Variants in COL11A1 observed in about 807,000 individuals in gnomAD.
COL11A1 encodes the protein collagen type XI alpha 1 chain, also known as collagen alpha-1(XI) chain.
A neutral mutation model predicts 265.2 loss-of-function variants in COL11A1; 74 were observed. The ratio of observed to expected loss-of-function variants is 0.28; its 90% confidence interval spans 0.23 to 0.34. COL11A1 has a LOEUF of 0.34. Among genes scored for constraint, COL11A1 ranks in the 10% least tolerant of loss-of-function variants. The pLI, the probability that COL11A1 is intolerant of heterozygous loss-of-function variation, is 1.00. For synonymous variants in COL11A1, 816 were observed against 727.6 expected (o/e 1.12, Z -1.96); for missense variants, 2,165 against 2,263.6 (o/e 0.96, Z 0.88).
At chr1:102,974,041 G>T (rs1662226519) in intron 36 of COL11A1, among the ~76,000 whole-genome samples, 1 of 152,130 alleles carries the variant, frequency 6.6e-6, no homozygotes, top group African/African-American at 2.4e-5. Context: ...CCAGAATTGT[G>T]ATTTGGTCAG....
intron 2 of COL11A1, among the ~76,000 whole-genome samples, chr1:103,082,201 A>C (rs867419151): frequency 6.6e-6 from 1 of 152,000 alleles, no homozygotes; most frequent in African/African-American, 2.4e-5. Context: ...CTGATATTTT[A>C]AAAAAATCTC....
At chr1:102,986,431 G>T (rs954465304) in intron 30 of COL11A1, among the ~76,000 whole-genome samples, 8 of 106,524 alleles carry the variant, frequency 7.5e-5, no homozygotes, top group Admixed American at 1.3e-4. Flanking sequence ...GGGGAGGGGG[G>T]AGGGATAGCA....
At chr1:102,922,233 A>C (rs1046653004) in intron 47 of COL11A1, among the ~76,000 whole-genome samples, 5 of 152,158 alleles carry the variant, frequency 3.3e-5, no homozygotes, top group Non-Finnish European at 7.4e-5. Flanking sequence ...AAAAGATCTC[A>C]GTTTATTCTA....
intron 4 of COL11A1, among the ~76,000 whole-genome samples, chr1:103,064,637 G>A (rs1220708914): frequency 6.8e-6 from 1 of 146,872 alleles, no homozygotes; most frequent in African/African-American, 2.5e-5. Context: ...CTTGCAGTGA[G>A]CCTAGGTTGC....
chr1:103,071,248 T>TA (rs77096332), intron 4 of COL11A1, among the ~76,000 whole-genome samples: 21,481 of 151,850 alleles, frequency 0.14, 1,662 homozygotes, highest in Non-Finnish European at 0.16. Context: ...TTGATTATTT[T>TA]AAAAAATTAG....
At position 102,989,573 on chromosome 1, in the gene COL11A1, TAAAACA is replaced by T. The variant is rs767111552; in HGVS notation, c.2341-8_2341-3del. The T allele has an allele frequency of 6.2e-7, 1 of 1,604,606 alleles. No homozygotes were observed. Among genetic ancestry groups the T allele is most frequent in the South Asian group, 1.1e-5 (1 of 90,846 alleles). On this transcript the variant is annotated splice_polypyrimidine_tract_variant and splice_region_variant and intron_variant, in intron 28 of 66. Coordinates refer to ENST00000370096, the MANE Select transcript of COL11A1 (RefSeq NM_001854.4). ...GAATCCTGGAAAACCATCTTCACCC[TAAAACA>T]TTATAAAAGGAATTAAATAGGAGTT...
intron 54 of COL11A1, among the ~76,000 whole-genome samples, chr1:102,902,586 T>C (rs944065611): frequency 6.6e-6 from 1 of 152,016 alleles, no homozygotes; most frequent in Admixed American, 6.6e-5. Flanking sequence ...TAGAAAGGTA[T>C]ATAATCTCTT....
rs747785713 is a variant in COL11A1, at chr1:103,108,086, T to C, written c.93A>G (p.Arg31=). ...TLALTFLFQA[R]EVRGAAPVDV... ...ATTTTTTCTTACCTCCTCTGACCTC[T>C]CTAGCTTGGAAGAGGAAGGTCAATG... Residue 31 remains arginine, a synonymous_variant, in exon 1 of 67, where the codon AGA becomes AGG. Transcript: ENST00000370096. The C allele has an allele frequency of 2.5e-6, 4 of 1,613,592 alleles. No individual in the cohort carries two copies. The Admixed American group carries it at 6.7e-5, about 27-fold the overall frequency.
At chr1:103,072,284 A>G (rs1225706277) in intron 4 of COL11A1, among the ~76,000 whole-genome samples, 2 of 151,956 alleles carry the variant, frequency 1.3e-5, no homozygotes, top group Non-Finnish European at 2.9e-5. Flanking sequence ...TATTTTTACC[A>G]TAGTAGTACC....
chr1:102,903,310 C>T (rs1653472562), intron 54 of COL11A1, among the ~76,000 whole-genome samples: 1 of 152,160 alleles, frequency 6.6e-6, no homozygotes, highest in Non-Finnish European at 1.5e-5. Context: ...AGTATCACTG[C>T]CACTTACAAC....
chr1:102,951,127 C>G (rs532521381), intron 41 of COL11A1, among the ~76,000 whole-genome samples: 1 of 152,134 alleles, frequency 6.6e-6, no homozygotes, highest in African/African-American at 2.4e-5. Flanking sequence ...CGAAAATGGA[C>G]TGATATACCA....
chr1:102,883,431 C>T, intron 63 of COL11A1, 120 bp from the exon 64 acceptor site: 1 of 713,014 alleles, frequency 1.4e-6, no homozygotes, highest in Non-Finnish European at 2.5e-6. Context: ...GATCTTTTGC[C>T]TTTTAAGCTT....
At chr1:102,908,717 G>A (rs540999156) in intron 54 of COL11A1, among the ~76,000 whole-genome samples, 1 of 151,810 alleles carries the variant, frequency 6.6e-6, no homozygotes, top group Non-Finnish European at 1.5e-5. Flanking sequence ...TCTTCAATGA[G>A]ACCATTGCCT....
At chr1:102,999,449 C>CAA (rs1386339526) in intron 24 of COL11A1, among the ~76,000 whole-genome samples, 3 of 151,666 alleles carry the variant, frequency 2.0e-5, no homozygotes, top group Non-Finnish European at 4.4e-5. Flanking sequence ...ATACTGGACT[C>CAA]AGAGAGTTAT....
At position 103,022,798 on chromosome 1, in the gene COL11A1, G is replaced by C. The variant is rs761114814; in HGVS notation, c.1189C>G (p.Pro397Ala). 5 of 1,613,634 alleles carry C rather than the reference G, an allele frequency of 3.1e-6. No homozygotes were observed. The East Asian group carries it at 1.1e-4, about 36-fold the overall frequency. ...KEYEDKPTSP[P>A]NEEFGPGVPA... is the part of the protein sequence containing the mutation. ...ACACCTGGACCAAATTCTTCATTAG[G>C]GGGGCTTGTTGGTTTATCTTCATAT... Residue 397 changes from proline (P) to alanine (A), a missense_variant, in exon 8 of 67, where the codon CCT (proline) becomes GCT (alanine). By Grantham distance (27) the Pro-to-Ala change is conservative (BLOSUM62 -1). Transcript: ENST00000370096.
At chr1:103,097,522 T>A (rs375152697) in intron 1 of COL11A1, among the ~76,000 whole-genome samples, 7 of 151,984 alleles carry the variant, frequency 4.6e-5, no homozygotes, top group African/African-American at 1.2e-4. Flanking sequence ...ACCATACACC[T>A]CTCCTTCAAA....
At chr1:102,910,781 G>A (rs1000333731) in intron 54 of COL11A1, among the ~76,000 whole-genome samples, 3 of 151,990 alleles carry the variant, frequency 2.0e-5, no homozygotes, top group Non-Finnish European at 4.4e-5. Context: ...ACGTAATACA[G>A]GTAATAACTG....
intron 4 of COL11A1, among the ~76,000 whole-genome samples, chr1:103,035,621 T>C (rs1668307569): frequency 6.6e-6 from 1 of 152,100 alleles, no homozygotes; most frequent in East Asian, 1.9e-4. Context: ...TATGCTAGTA[T>C]GTCCTAGTAA....
chr1:103,082,873 C>T lies in COL11A1; in HGVS notation c.206G>A (p.Gly69Asp), dbSNP rs758610033. Reference sequence around the variant, plus strand: ...TGAAACTCTGTAAGCAGTATCTGAGCCTTTAGAATTCTTTCTGTTTGTGCA... The same window carrying T: ...TGAAACTCTGTAAGCAGTATCTGAGTCTTTAGAATTCTTTCTGTTTGTGCA... ...GFCTNRKNSK[G>D]SDTAYRVSKQ... Residue 69 changes from glycine to aspartate, a missense_variant, in exon 2 of 67, where the codon GGC becomes GAC. Coordinates refer to ENST00000370096, the MANE Select transcript of COL11A1 (RefSeq NM_001854.4). 1 of 1,613,430 alleles carries T rather than the reference C, an allele frequency of 6.2e-7. No homozygotes were observed. The highest frequency in any genetic ancestry group is 8.5e-7 in the Non-Finnish European group (1 of 1,179,686).
Sources: allele counts gnomAD v4.1 joint callset (sites outside exome capture counted in the v4.1 genomes callset), GRCh38; gene constraint gnomAD v4.1.1; transcripts MANE v1.5; gene names NCBI Gene and HGNC (gene_info 2026-07-23, HGNC 2026-07-21).